The following PKN3 variants were observed in gnomAD, a reference collection of about 807,000 sequenced individuals.
PKN3 encodes serine/threonine-protein kinase N3.
PKN3 carries 91 observed loss-of-function variants against 113.1 expected under a neutral mutation model. The observed-to-expected ratio is 0.80, with a 90% CI of 0.68 to 0.96. The LOEUF is 0.96. Among genes scored for constraint, PKN3 ranks in the 40% least tolerant of loss-of-function variants. The pLI is 0.00. For missense variants in PKN3, 1,052 were observed against 1,202.2 expected, an observed-to-expected ratio of 0.88 and a Z score of 1.85; for synonymous variants, 467 against 499.0, an observed-to-expected ratio of 0.94 and a Z score of 0.85.
intron 15 of PKN3, 64 bp from the exon 16 acceptor site, chr9:128,716,683 A>G (rs1862348095): frequency 7.3e-7 from 1 of 1,375,162 alleles, no homozygotes; most frequent in African/African-American, 1.4e-5. Context: ...GGTGTTGTGC[A>G]GGGCACAGGG....
chr9:128,707,218 G>GCAGGCC lies in PKN3; in HGVS notation c.658_663dup. ...AACCTGGCTCTACGTTGTCCCCTCT[G>GCAGGCC]CAGGCCCAGGCCCAGCTACAGGAGT... On this transcript the variant is annotated splice_region_variant and splice_polypyrimidine_tract_variant and intron_variant, in intron 5 of 21. Coordinates refer to ENST00000291906, the MANE Select transcript of PKN3 (RefSeq NM_013355.5). 2 of 1,600,688 alleles carry GCAGGCC rather than the reference G, an allele frequency of 1.2e-6. No individual in the cohort carries two copies. Among genetic ancestry groups the GCAGGCC allele is most frequent in the Non-Finnish European group, 1.7e-6 (2 of 1,170,390 alleles).
In PKN3 at chr9:128,714,820, A is replaced by G. The variant is rs1037767691; in HGVS notation, c.1607A>G (p.Glu536Gly). Residue 536 changes from glutamate to glycine, a missense_variant, in exon 13 of 22, where the codon GAG becomes GGG. Physicochemically the swap from Glu to Gly is moderately conservative, Grantham distance 98 (BLOSUM62 -2). Transcript: ENST00000291906. The stretch of plus-strand genomic sequence containing the variant: ...CAGCGCACCAAACGTCCCCATATGG[A>G]GCCTAGGACTCGACGTGGGCCATCT... Reference protein sequence around the residue: ...ETPRTKRPHMEPRTRRGPSPP... With the variant: ...ETPRTKRPHMGPRTRRGPSPP... 3 of 1,613,914 alleles carry G rather than the reference A, an allele frequency of 1.9e-6. No individual in the cohort carries two copies. In the Admixed American group the frequency reaches 5.0e-5, roughly 27 times the overall value.
chr9:128,720,062 GC>G lies in PKN3; in HGVS notation c.2376+48del. The G allele has an allele frequency of 6.4e-7, 1 of 1,561,656 alleles. No individual in the cohort carries two copies. The highest frequency in any genetic ancestry group is 8.8e-7 in the Non-Finnish European group (1 of 1,132,736). The stretch of plus-strand genomic sequence containing the variant: ...GGGCTGGGCTGGATGGCCGCTCAAG[GC>G]CCATGTGCCCTCTGCCGTGGGACAG... On this transcript the variant is annotated intron_variant, in intron 20 of 21. Coordinates refer to ENST00000291906, the MANE Select transcript of PKN3 (RefSeq NM_013355.5). The surrounding 1 kb of genome is among the most constrained non-coding windows in gnomAD (Gnocchi z 5.5).
chr9:128,702,990 T>G (rs1487879531), intron 1 of PKN3, 51 bp downstream of exon 1: 2 of 1,268,056 alleles, frequency 1.6e-6, no homozygotes, highest in African/African-American at 1.6e-5. Flanking sequence ...AGAAAGCCTC[T>G]GTCATCGCCC....
In PKN3 at chr9:128,705,755, G is replaced by C. The variant is rs371312873; in HGVS notation, c.287G>C (p.Arg96Pro). 1 of 1,607,086 alleles carries C rather than the reference G, an allele frequency of 6.2e-7. No homozygotes were observed. Among genetic ancestry groups the C allele is most frequent in the African/African-American group, 1.3e-5 (1 of 74,772 alleles). The change falls in exon 3 of 22, where the codon CGG becomes CCG. Residue 96 changes from arginine to proline, a missense_variant. Around this residue, in one of 2 missense-constraint regions of PKN3, gnomAD observed 719 missense variants for 759.4 expected, o/e 0.95. Coordinates refer to ENST00000291906, the MANE Select transcript of PKN3 (RefSeq NM_013355.5). ...GPAEPVASGP[R>P]PWAEQLRARH... ...ACAGAGCCTGTGGCCTCAGGACCCCGGCCGTGGGCAGAGCAGCTCAGGGCT... is the reference window on the plus strand; with the variant it reads ...ACAGAGCCTGTGGCCTCAGGACCCCCGCCGTGGGCAGAGCAGCTCAGGGCT...
chr9:128,718,635 G>C lies in PKN3; in HGVS notation c.2125+10G>C. 1 of 1,612,952 alleles carries C rather than the reference G, an allele frequency of 6.2e-7. No homozygotes were observed. The highest frequency in any genetic ancestry group is 1.7e-4 in the Middle Eastern group (1 of 6,056). On this transcript the variant is annotated intron_variant, in intron 18 of 21. Transcript: ENST00000291906. Reference sequence around the variant, plus strand: ...GGACTCTGCAAGGAAGGTGGGGGCCGCCCATTGGGATCCATATCTCCAGCC... The same window carrying C: ...GGACTCTGCAAGGAAGGTGGGGGCCCCCCATTGGGATCCATATCTCCAGCC...
At chr9:128,716,639 C>T (rs1862346863) in intron 15 of PKN3, 108 bp from the exon 16 acceptor site, 4 of 802,318 alleles carry the variant, frequency 5.0e-6, no homozygotes, top group Non-Finnish European at 8.2e-6. Context: ...AGTCTACTTG[C>T]CTGGCACTTT....
chr9:128,711,178 A>G (rs1397618987), intron 6 of PKN3, among the ~76,000 whole-genome samples: 3 of 151,064 alleles, frequency 2.0e-5, no homozygotes, highest in Non-Finnish European at 4.4e-5. Context: ...GCGAATTTTT[A>G]TATTTTCAGT....
intron 6 of PKN3, among the ~76,000 whole-genome samples, chr9:128,709,086 C>A (rs1273168972): frequency 6.6e-6 from 1 of 150,928 alleles, no homozygotes; most frequent in Non-Finnish European, 1.5e-5. Context: ...GAGATCGAGA[C>A]CATCCTGGCT....
Position 128,712,936 on chromosome 9 carries a change from C to T in PKN3, c.836-116C>T, listed in dbSNP as rs936167892. 1.2e-4 allele frequency: 129 copies of T among 1,109,682 alleles called. 1 individual carries two copies. Among genetic ancestry groups the T allele is most frequent in the Non-Finnish European group, 3.1e-5 (24 of 773,578 alleles). The allele number at this position is 1,109,682 out of a possible 1,614,324, so 68.7% of individuals were successfully genotyped here. On this transcript the variant is annotated intron_variant, in intron 6 of 21. Transcript: ENST00000291906. ...TAACTGCCCTGGCCTCAGGTGGGTA[C>T]GGTCTGGGTTCAGCCACCTCCTGGA...
At chr9:128,703,045 C>G (rs1861901178) in intron 1 of PKN3, 106 bp downstream of exon 1, 1 of 792,670 alleles carries the variant, frequency 1.3e-6, no homozygotes, top group South Asian at 2.1e-5. Context: ...TCCCCTCACC[C>G]GCGCCCCTTC....
At chr9:128,705,691 G>C in intron 2 of PKN3, 43 bp from the exon 3 acceptor site, 1 of 1,559,756 alleles carries the variant, frequency 6.4e-7, no homozygotes, top group Non-Finnish European at 8.7e-7. Context: ...GGGGGTCTCG[G>C]CTCTGGGTGA....
Position 128,719,841 on chromosome 9 carries a change from G to T in PKN3, c.2268+13G>T. ...GCTGGTGGGTGAGGTGAGTGCTGGA[G>T]CCTGTTTCCTGGGCCTCTGGGTGGG... On this transcript the variant is annotated intron_variant, in intron 19 of 21. Transcript: ENST00000291906. 1 of 1,608,430 alleles carries T rather than the reference G, an allele frequency of 6.2e-7. No individual in the cohort carries two copies. The highest frequency in any genetic ancestry group is 8.5e-7 in the Non-Finnish European group (1 of 1,176,916).
At position 128,717,896 on chromosome 9, in the gene PKN3, G is replaced by A. The variant is rs1382352219; in HGVS notation, c.1986-429G>A. Among the ~76,000 whole-genome samples, 6 of 148,876 alleles carry A rather than the reference G, an allele frequency of 4.0e-5. No individual in the cohort carries two copies. The East Asian group carries it at 6.0e-4, about 15-fold the overall frequency. ...AAAAAAAAAAAAAAATTAGCTGGGC[G>A]TGGTGGCGCGTGCCTGTAGTCTCAG... On this transcript the variant is annotated intron_variant, in intron 16 of 21. Coordinates refer to ENST00000291906, the MANE Select transcript of PKN3 (RefSeq NM_013355.5).
At chr9:128,710,945 C>T (rs539915302) in intron 6 of PKN3, among the ~76,000 whole-genome samples, 1 of 152,172 alleles carries the variant, frequency 6.6e-6, no homozygotes, top group East Asian at 1.9e-4. Flanking sequence ...TATCCTGTCC[C>T]CTGGCTAAAC....
chr9:128,709,215 G>A (rs1182320985), intron 6 of PKN3, among the ~76,000 whole-genome samples: 4 of 151,860 alleles, frequency 2.6e-5, no homozygotes, highest in African/African-American at 9.7e-5. Context: ...AACCCCGGGG[G>A]GCGGAGCCTA....
chr9:128,713,174 C>T lies in PKN3; in HGVS notation c.958C>T (p.Gln320Ter). ...EGWLRTKAKHQRGRGELASEV... is the reference protein window; with the variant it reads ...EGWLRTKAKH Reference sequence around the variant, plus strand: ...CTGGCTTCGGACCAAGGCCAAGCACCAGCGTGGCCGAGGCGAGCTTGCCAG... The same window carrying T: ...CTGGCTTCGGACCAAGGCCAAGCACTAGCGTGGCCGAGGCGAGCTTGCCAG... Residue 320 changes from glutamine (Q) to a stop codon, truncating the protein, a stop_gained, in exon 7 of 22, where the codon CAG (glutamine) becomes TAG (stop). Coordinates refer to ENST00000291906, the MANE Select transcript of PKN3 (RefSeq NM_013355.5). LOFTEE classifies it high-confidence loss of function. 3.7e-6 allele frequency: 6 copies of T among 1,608,456 alleles called. No individual in the cohort carries two copies. Among genetic ancestry groups the T allele is most frequent in the Non-Finnish European group, 4.3e-6 (5 of 1,176,064 alleles).
At position 128,703,044 on chromosome 9, in the gene PKN3, C is replaced by T; in HGVS notation, c.24+105C>T. ...CCGCTTCCCCCGATCCTCCCCTCAC[C>T]CGCGCCCCTTCCCTGCCCCTGCCCT... On this transcript the variant is annotated intron_variant, in intron 1 of 21. Transcript: ENST00000291906. 5.0e-6 allele frequency: 4 copies of T among 800,352 alleles called. No individual in the cohort carries two copies. The Admixed American group carries it at 1.2e-4, about 25-fold the overall frequency. The allele number at this position is 800,352 out of a possible 1,614,324, so 49.6% of individuals were successfully genotyped here. A position where few individuals can be genotyped will look rare whatever the true frequency, so the allele number is the denominator to read the frequency against.
chr9:128,715,644 T>C lies in PKN3; in HGVS notation c.1808+184T>C, dbSNP rs116916996. Reference sequence around the variant, plus strand: ...GCAGGTCCCCTCTTCTCTCTGTCAGTTTGCTCTACTGTAAAATGGGGGCAT... The same window carrying C: ...GCAGGTCCCCTCTTCTCTCTGTCAGCTTGCTCTACTGTAAAATGGGGGCAT... On this transcript the variant is annotated intron_variant, in intron 15 of 21. Transcript: ENST00000291906. This position sits in a 1 kb window ranked among gnomAD's most constrained non-coding sequence, Gnocchi z 4.1. Among the ~76,000 whole-genome samples, 1,104 of 152,238 alleles carry C rather than the reference T, an allele frequency of 7.3e-3. 15 individuals carry two copies. Among genetic ancestry groups the C allele is most frequent in the East Asian group, 0.054 (280 of 5,172 alleles).
Sources: allele counts gnomAD v4.1 joint callset (sites outside exome capture counted in the v4.1 genomes callset), GRCh38; gene constraint gnomAD v4.1.1; regional missense constraint gnomAD v4.1.1; non-coding constraint Gnocchi (gnomAD v3.1); transcripts MANE v1.5; gene names NCBI Gene and HGNC (gene_info 2026-07-23, HGNC 2026-07-21).